Variants in MDN1 observed in about 807,000 individuals in gnomAD.
The protein encoded by MDN1 is midasin AAA ATPase 1.
MDN1 carries 266 observed loss-of-function variants against 669.2 expected under a neutral mutation model. The ratio of observed to expected loss-of-function variants is 0.40; its 90% confidence interval spans 0.36 to 0.44. The LOEUF (loss-of-function observed/expected upper bound fraction) is 0.44. Among genes scored for constraint, MDN1 ranks in the 20% least tolerant of loss-of-function variants. The pLI is 1.00. For synonymous variants in MDN1, 2,385 were observed against 2,457.1 expected, an observed-to-expected ratio of 0.97 and a Z score of 0.87; for missense variants, 5,940 against 6,754.0, an observed-to-expected ratio of 0.88 and a Z score of 4.22.
intron 74 of MDN1, 39 bp downstream of exon 74, chr6:89,680,550 A>G (rs1811538963): frequency 6.2e-7 from 1 of 1,600,744 alleles, no homozygotes. Context: ...ACTGGGGAAA[A>G]CAGAAAGATC....
rs767764199 is a variant in MDN1 at position 89,747,470 on chromosome 6, A to G, written c.3763T>C (p.Ser1255Pro). The stretch of plus-strand genomic sequence containing the variant: ...AACACTGAAGAACTTCTGCGATAGG[A>G]CTGTTGAAGTATCAAAACAAATGAA... ...KLVKVMLDLQ[S>P]YRRSSSVFAG... Residue 1255 changes from serine to proline, a missense_variant and splice_region_variant, in exon 27 of 102, where the codon TCC becomes CCC. Physicochemically the swap from Ser to Pro is moderately conservative, Grantham distance 74 (BLOSUM62 -1). Around this residue, in one of 5 missense-constraint regions of MDN1, gnomAD observed 2,292 missense variants for 2,638.3 expected, o/e 0.87. Coordinates refer to ENST00000369393, the MANE Select transcript of MDN1 (RefSeq NM_014611.3). The G allele has an allele frequency of 6.2e-7, 1 of 1,612,126 alleles. No homozygotes were observed. The highest frequency in any genetic ancestry group is 8.5e-7 in the Non-Finnish European group (1 of 1,179,550).
intron 2 of MDN1, among the ~76,000 whole-genome samples, chr6:89,798,181 C>CAAAAAAAAAA (rs10706907): frequency 1.4e-5 from 1 of 71,510 alleles, no homozygotes; most frequent in Non-Finnish European, 2.6e-5. Context: ...GACTCTGTCT[C>CAAAAAAAAAA]AAAAAAAAAA....
chr6:89,749,562 C>T lies in MDN1; in HGVS notation c.3596G>A (p.Gly1199Glu), dbSNP rs1816844528. ...ACATACCTTTCTGCCTCCATAAAGT[C>T]CTGGGGGATTTTGGGTGGCAAAAAG... ...FMLFATQNPP[G>E]LYGGRKVLSR... Residue 1199 changes from glycine (G) to glutamate (E), a missense_variant, in exon 25 of 102, where the codon GGA becomes GAA. Gly to Glu is a moderately conservative substitution (Grantham distance 98, BLOSUM62 -2). Coordinates refer to ENST00000369393, the MANE Select transcript of MDN1 (RefSeq NM_014611.3). 1 of 1,614,006 alleles carries T rather than the reference C, an allele frequency of 6.2e-7. No individual in the cohort carries two copies. The highest frequency in any genetic ancestry group is 1.1e-5 in the South Asian group (1 of 91,080).
intron 33 of MDN1, among the ~76,000 whole-genome samples, chr6:89,735,551 T>C (rs1004496021): frequency 1.3e-5 from 2 of 152,094 alleles, no homozygotes; most frequent in East Asian, 1.9e-4. Context: ...TAGAATCTTT[T>C]GTTTTGGTCA....
At chr6:89,789,312 A>G (rs1412937876) in intron 7 of MDN1, among the ~76,000 whole-genome samples, 1 of 152,048 alleles carries the variant, frequency 6.6e-6, no homozygotes, top group Non-Finnish European at 1.5e-5. Flanking sequence ...AATCCAGCAT[A>G]TTTTTCTTAA....
intron 38 of MDN1, among the ~76,000 whole-genome samples, chr6:89,724,007 G>A (rs971238200): frequency 6.6e-6 from 1 of 152,112 alleles, no homozygotes; most frequent in East Asian, 1.9e-4. Context: ...GCTGGGCATA[G>A]TGGCATGCGC....
rs544702102 is a variant in MDN1 at position 89,792,613 on chromosome 6, T to A, written c.855+1149A>T. On this transcript the variant is annotated intron_variant, in intron 5 of 101. Coordinates refer to ENST00000369393, the MANE Select transcript of MDN1 (RefSeq NM_014611.3). The stretch of plus-strand genomic sequence containing the variant: ...TTTGGTGTTATTTATATGAAGTTTA[T>A]GAATAATCACTGACTACACTTATGA... 6.6e-5 allele frequency among the ~76,000 whole-genome samples: 10 copies of A among 152,164 alleles called. No individual in the cohort carries two copies. In the South Asian group the frequency reaches 2.1e-3, roughly 31 times the overall value.
At chr6:89,795,332 C>T (rs1038012945) in intron 2 of MDN1, among the ~76,000 whole-genome samples, 7 of 152,050 alleles carry the variant, frequency 4.6e-5, no homozygotes, top group African/African-American at 1.7e-4. Flanking sequence ...AAGAGACATA[C>T]ACACACGAGT....
chr6:89,672,053 C>A (rs1480081111), intron 82 of MDN1, 147 bp downstream of exon 82: 1 of 735,578 alleles, frequency 1.4e-6, no homozygotes, highest in East Asian at 3.1e-5. Context: ...AATGACTTTG[C>A]ACGTATAAAT....
At chr6:89,810,541 C>T (rs1360635069) in intron 1 of MDN1, among the ~76,000 whole-genome samples, 1 of 152,162 alleles carries the variant, frequency 6.6e-6, no homozygotes, top group African/African-American at 2.4e-5. Context: ...AGGCCATATT[C>T]CTTTGAAACC....
In MDN1 at chr6:89,672,371, A is replaced by G. The variant is rs1022484989; in HGVS notation, c.13631-8T>C. ...GCAGTCTCTCAAAGCCTGCTGCCTC[A>G]TTCATTCAGAGAAAATAACAACATG... On this transcript the variant is annotated splice_polypyrimidine_tract_variant and splice_region_variant and intron_variant, in intron 81 of 101. Coordinates refer to ENST00000369393, the MANE Select transcript of MDN1 (RefSeq NM_014611.3). 1 of 1,610,990 alleles carries G rather than the reference A, an allele frequency of 6.2e-7. No individual in the cohort carries two copies. The highest frequency in any genetic ancestry group is 8.5e-7 in the Non-Finnish European group (1 of 1,179,414).
intron 23 of MDN1, 150 bp from the exon 24 acceptor site, chr6:89,750,682 A>T: frequency 1.4e-6 from 1 of 730,554 alleles, no homozygotes; most frequent in South Asian, 1.9e-5. Flanking sequence ...AGCTCACTGC[A>T]GCCTCGACCT....
chr6:89,694,713 T>C (rs1349615945), intron 61 of MDN1, among the ~76,000 whole-genome samples: 1 of 151,490 alleles, frequency 6.6e-6, no homozygotes, highest in Non-Finnish European at 1.5e-5. Flanking sequence ...CCAGCTTTTT[T>C]TTTTTTTCCT....
intron 22 of MDN1, among the ~76,000 whole-genome samples, chr6:89,752,563 C>T (rs1817010585): frequency 6.6e-6 from 1 of 152,072 alleles, no homozygotes; most frequent in Admixed American, 6.6e-5. Flanking sequence ...TCTTTCAGTC[C>T]CATGCTATTC....
rs368890921 is a variant in MDN1 at position 89,794,801 on chromosome 6, C to A, written c.330G>T (p.Pro110=). The A allele has an allele frequency of 6.2e-7, 1 of 1,612,698 alleles. No individual in the cohort carries two copies. The highest frequency in any genetic ancestry group is 8.5e-7 in the Non-Finnish European group (1 of 1,178,746). The change falls in exon 3 of 102, where the codon CCG becomes CCT. Residue 110 remains proline, a splice_region_variant and synonymous_variant. Transcript: ENST00000369393. ...TGTCCTTGAAATATCTCAGGGCAAA[C>A]CTTCAAACACAAAGAATACAGACAT... is the stretch of plus-strand genomic sequence containing the variant. ...KLIGNHPDVL[P]FALRYFKDTS... is the part of the protein sequence containing the mutation.
chr6:89,684,520 A>G lies in MDN1; in HGVS notation c.11829+356T>C, dbSNP rs532168753. 2.6e-5 allele frequency among the ~76,000 whole-genome samples: 4 copies of G among 152,236 alleles called. No homozygotes were observed. The South Asian group carries it at 6.2e-4, about 24-fold the overall frequency. ...GTTCCACAACCACTGAGAATATCAA[A>G]AAGAGCGGTCCCTCCTTCCCCCATG... On this transcript the variant is annotated intron_variant, in intron 71 of 101. Coordinates refer to ENST00000369393, the MANE Select transcript of MDN1 (RefSeq NM_014611.3).
At chr6:89,673,949 C>A (rs561169985) in intron 79 of MDN1, among the ~76,000 whole-genome samples, 155 bp downstream of exon 79, 2 of 151,546 alleles carry the variant, frequency 1.3e-5, no homozygotes, top group South Asian at 2.1e-4. Flanking sequence ...TATCCCCACC[C>A]CACCCCATCC....
At position 89,787,838 on chromosome 6, in the gene MDN1, G is replaced by C; in HGVS notation, c.1334+16C>G. 1 of 1,589,266 alleles carries C rather than the reference G, an allele frequency of 6.3e-7. No homozygotes were observed. The highest frequency in any genetic ancestry group is 8.6e-7 in the Non-Finnish European group (1 of 1,162,340). On this transcript the variant is annotated intron_variant, in intron 8 of 101. Coordinates refer to ENST00000369393, the MANE Select transcript of MDN1 (RefSeq NM_014611.3). ...AGTGGCTCCAGAGTGAAAACAGAAA[G>C]GTTACTAGTACATACCTCCTGGTTG...
intron 37 of MDN1, among the ~76,000 whole-genome samples, chr6:89,726,255 G>A (rs976582962): frequency 6.6e-6 from 1 of 152,036 alleles, no homozygotes; most frequent in African/African-American, 2.4e-5. Flanking sequence ...GAGGCCAGGA[G>A]TTCAAGACCA....
Sources: allele counts gnomAD v4.1 joint callset (sites outside exome capture counted in the v4.1 genomes callset), GRCh38; gene constraint gnomAD v4.1.1; regional missense constraint gnomAD v4.1.1; transcripts MANE v1.5; gene names NCBI Gene and HGNC (gene_info 2026-07-23, HGNC 2026-07-21).